GALNT2: variants seen among roughly 807,000 people sequenced by gnomAD.
GALNT2 encodes the protein polypeptide N-acetylgalactosaminyltransferase 2, also known as UDP-GalNAc:polypeptide N-acetylgalactosaminyltransferase 2.
A neutral mutation model predicts 81.4 loss-of-function variants in GALNT2; 31 were observed. The ratio of observed to expected loss-of-function variants is 0.38; its 90% CI spans 0.29 to 0.51. The LOEUF (loss-of-function observed/expected upper bound fraction) is 0.51, where lower values mean the gene tolerates loss of function less well. Among genes scored for constraint, GALNT2 ranks in the 20% least tolerant of loss-of-function variants. The pLI is 0.87. For missense variants in GALNT2, 629 were observed against 765.7 expected, an observed-to-expected ratio of 0.82 and a Z score of 2.11; for synonymous variants, 303 against 287.4, an observed-to-expected ratio of 1.05 and a Z score of -0.55.
chr1:230,255,120 G>A (rs1665667307), intron 10 of GALNT2, 98 bp from the exon 11 acceptor site: 2 of 1,551,036 alleles, frequency 1.3e-6, no homozygotes, highest in African/African-American at 1.4e-5. Context: ...CCCCATGATG[G>A]GATGGTCAGG....
rs572181034 is a variant in GALNT2, at chr1:230,187,763, G to C, written c.220+9452G>C. On this transcript the variant is annotated intron_variant, in intron 2 of 15. Coordinates refer to ENST00000366672, the MANE Select transcript of GALNT2 (RefSeq NM_004481.5). ...AGTGGGATGGGAAGCTAGAAAGGGG[G>C]TTAAGTGGGAAGATGGTCTTCCCCT... Among the ~76,000 whole-genome samples the C allele has an allele frequency of 1.3e-4, 20 of 152,282 alleles. No individual in the cohort carries two copies. In the East Asian group the frequency reaches 3.9e-3, roughly 29 times the overall value.
chr1:230,174,966 G>A (rs925094766), intron 1 of GALNT2, among the ~76,000 whole-genome samples: 1 of 152,208 alleles, frequency 6.6e-6, no homozygotes, highest in South Asian at 2.1e-4. Context: ...TCTACGCGGG[G>A]CCTGTGCCTC....
chr1:230,238,572 C>A (rs577108849), intron 6 of GALNT2, among the ~76,000 whole-genome samples: 1 of 152,220 alleles, frequency 6.6e-6, no homozygotes, highest in South Asian at 2.1e-4. Flanking sequence ...ATAGTAGGAC[C>A]AAAACCATGT....
chr1:230,130,792 A>G (rs931899798), intron 1 of GALNT2, among the ~76,000 whole-genome samples: 3 of 152,116 alleles, frequency 2.0e-5, no homozygotes, highest in Non-Finnish European at 2.9e-5. Context: ...TGGCTAAACC[A>G]CTTTAATGAG....
chr1:230,270,362 T>G (rs887707460), intron 14 of GALNT2, among the ~76,000 whole-genome samples: 1 of 152,226 alleles, frequency 6.6e-6, no homozygotes, highest in Non-Finnish European at 1.5e-5. Context: ...TGGGCCAGTC[T>G]GGGGCCAGTG....
At position 230,274,467 on chromosome 1, in the gene GALNT2, A is replaced by G; in HGVS notation, c.1463A>G (p.Lys488Arg). 2 of 1,613,662 alleles carry G rather than the reference A, an allele frequency of 1.2e-6. No individual in the cohort carries two copies. Among genetic ancestry groups the G allele is most frequent in the Non-Finnish European group, 1.7e-6 (2 of 1,179,764 alleles). Residue 488 changes from lysine (K) to arginine (R), a missense_variant, in exon 15 of 16, where the codon AAG becomes AGG. Coordinates refer to ENST00000366672, the MANE Select transcript of GALNT2 (RefSeq NM_004481.5). ...GNQEWALTKE[K>R]SVKHMDLCLT... Reference sequence around the variant, plus strand: ...CAGGAATGGGCCTTGACGAAGGAGAAGTCGGTGAAGCACATGGATTTGTGC... The same window carrying G: ...CAGGAATGGGCCTTGACGAAGGAGAGGTCGGTGAAGCACATGGATTTGTGC...
At chr1:230,207,853 TAGTA>T (rs1202946674) in intron 3 of GALNT2, among the ~76,000 whole-genome samples, 3 of 152,218 alleles carry the variant, frequency 2.0e-5, no homozygotes, top group Non-Finnish European at 4.4e-5. Context: ...AATGCTGAGA[TAGTA>T]AGTGTGAGCC....
chr1:230,275,469 A>C lies in GALNT2; in HGVS notation c.1560+905A>C, dbSNP rs1418161131. On this transcript the variant is annotated intron_variant, in intron 15 of 15. Coordinates refer to ENST00000366672, the MANE Select transcript of GALNT2 (RefSeq NM_004481.5). The surrounding 1 kb of genome is among the most constrained non-coding windows in gnomAD (Gnocchi z 5.5). ...CACGCCACATATATACATATATACA[A>C]ACACCACATATATATACATATACAC... is the stretch of plus-strand genomic sequence containing the variant. 6.6e-6 allele frequency among the ~76,000 whole-genome samples: 1 copy of C among 151,210 alleles called. No individual in the cohort carries two copies. The highest frequency in any genetic ancestry group is 1.9e-4 in the East Asian group (1 of 5,182).
At chr1:230,187,170 G>T (rs1463478123) in intron 2 of GALNT2, among the ~76,000 whole-genome samples, 1 of 152,204 alleles carries the variant, frequency 6.6e-6, no homozygotes, top group Non-Finnish European at 1.5e-5. Context: ...GAAGGAGCCA[G>T]ATCTAACAGG....
At chr1:230,165,784 G>A (rs1157441886) in intron 1 of GALNT2, among the ~76,000 whole-genome samples, 1 of 152,252 alleles carries the variant, frequency 6.6e-6, no homozygotes, top group African/African-American at 2.4e-5. Context: ...GCACTCGAGA[G>A]GGAGGGAGGC....
chr1:230,216,111 T>G (rs1382275787), intron 3 of GALNT2, among the ~76,000 whole-genome samples: 2 of 152,242 alleles, frequency 1.3e-5, no homozygotes, highest in Non-Finnish European at 2.9e-5. Context: ...AACAGAGTTT[T>G]GCTTGATAAA....
Position 230,249,282 on chromosome 1 carries a change from G to T in GALNT2, c.905+11G>T. ...AGTCGCCCCTATAAAGTAAGTGCCA[G>T]CATCCTTCAGGGTGCCCCTCCCAGA... On this transcript the variant is annotated intron_variant, in intron 9 of 15. Coordinates refer to ENST00000366672, the MANE Select transcript of GALNT2 (RefSeq NM_004481.5). 1 of 1,612,994 alleles carries T rather than the reference G, an allele frequency of 6.2e-7. No individual in the cohort carries two copies.
chr1:230,091,170 T>C (rs762732418), intron 1 of GALNT2, among the ~76,000 whole-genome samples: 15 of 151,822 alleles, frequency 9.9e-5, no homozygotes, highest in Non-Finnish European at 2.2e-4. Flanking sequence ...CTGGGTTCAA[T>C]CTATTCTCCT....
rs1664328974 is a variant in GALNT2 at position 230,214,517 on chromosome 1, T to C, written c.374+11227T>C. Among the ~76,000 whole-genome samples the C allele has an allele frequency of 2.0e-5, 3 of 152,266 alleles. No individual in the cohort carries two copies. In the South Asian group the frequency reaches 6.2e-4, roughly 32 times the overall value. ...TCAGTTGTCTTCTGTTTTTTGTTGTTTCTGGCGAAATGTCTACCGTTAGTC... is the reference window on the plus strand; with the variant it reads ...TCAGTTGTCTTCTGTTTTTTGTTGTCTCTGGCGAAATGTCTACCGTTAGTC... On this transcript the variant is annotated intron_variant, in intron 3 of 15. Transcript: ENST00000366672.
At chr1:230,138,204 G>A (rs374241729) in intron 1 of GALNT2, among the ~76,000 whole-genome samples, 2 of 152,156 alleles carry the variant, frequency 1.3e-5, no homozygotes, top group African/African-American at 4.8e-5. Context: ...AGTCCATGGA[G>A]TAAAGTGAAA....
At chr1:230,150,349 C>A (rs1662054984) in intron 1 of GALNT2, among the ~76,000 whole-genome samples, 1 of 152,206 alleles carries the variant, frequency 6.6e-6, no homozygotes, top group Non-Finnish European at 1.5e-5. Context: ...TCATACATCA[C>A]CCAAGGTGTC....
intron 2 of GALNT2, among the ~76,000 whole-genome samples, chr1:230,202,333 G>A (rs1280174884): frequency 7.9e-5 from 12 of 152,148 alleles, no homozygotes. Context: ...CACTCGCCTA[G>A]CAGTGCTCTC....
Position 230,059,753 on chromosome 1 carries a change from G to A in GALNT2, n.89+1675G>A, listed in dbSNP as rs894476394. Among the ~76,000 whole-genome samples the A allele has an allele frequency of 4.6e-5, 7 of 152,220 alleles. No homozygotes were observed. The East Asian group carries it at 1.3e-3, about 29-fold the overall frequency. On this transcript the variant is annotated intron_variant and non_coding_transcript_variant, in intron 1 of 6. Coordinates refer to the GALNT2 transcript ENST00000494106. ...AGAATTCACCTATGTCCTTTACCCA[G>A]ACTCGCCATTTTAAAATATTTTGCC... is the stretch of plus-strand genomic sequence containing the variant.
At chr1:230,199,225 C>G (rs1663807510) in intron 2 of GALNT2, among the ~76,000 whole-genome samples, 1 of 152,134 alleles carries the variant, frequency 6.6e-6, no homozygotes, top group African/African-American at 2.4e-5. Flanking sequence ...GGCTGTTTCT[C>G]TCTAACCTCT....
Sources: gnomAD v4.1 joint callset for allele counts (sites outside exome capture counted in the v4.1 genomes callset) on GRCh38, gnomAD v4.1.1 for gene constraint, Gnocchi (gnomAD v3.1) non-coding constraint, MANE v1.5 for transcripts, NCBI Gene and HGNC (gene_info 2026-07-23, HGNC 2026-07-21) for gene names.